Variants in ABCA13 observed in about 807,000 individuals in gnomAD.
ABCA13 encodes ATP-binding cassette sub-family A member 13.
In ABCA13, 476 loss-of-function variants were observed where a neutral mutation model predicts 478.7. The ratio of observed to expected loss-of-function variants is 0.99; its 90% CI spans 0.92 to 1.07. The LOEUF (loss-of-function observed/expected upper bound fraction) is 1.07, where lower values mean the gene tolerates loss of function less well. ABCA13 is among the 50% of genes least tolerant of loss of function. ABCA13 has a pLI of 0.00. For synonymous variants in ABCA13, 2,252 were observed against 2,158.9 expected (o/e 1.04, Z -1.20); for missense variants, 6,060 against 5,910.6 (o/e 1.03, Z -0.83).
chr7:48,284,888 C>T (rs888889691), intron 19 of ABCA13, among the ~76,000 whole-genome samples: 1 of 152,118 alleles, frequency 6.6e-6, no homozygotes, highest in African/African-American at 2.4e-5. Flanking sequence ...GGGCAAATAG[C>T]CCCTCCTCTC....
chr7:48,317,110 G>A, intron 26 of ABCA13, 47 bp from the exon 27 acceptor site: 1 of 1,572,206 alleles, frequency 6.4e-7, no homozygotes, highest in Non-Finnish European at 8.6e-7. Context: ...ATTAACCTAG[G>A]CATCGTGTAT....
chr7:48,597,074 C>T (rs913120828), intron 58 of ABCA13, among the ~76,000 whole-genome samples: 1 of 151,852 alleles, frequency 6.6e-6, no homozygotes. Flanking sequence ...GCCTCAGCCT[C>T]CCGGGTAGCT....
rs893005343 is a variant in ABCA13 at position 48,361,891 on chromosome 7, T to C, written c.10689-5903T>C. Among the ~76,000 whole-genome samples the C allele has an allele frequency of 2.6e-5, 4 of 151,972 alleles. No individual in the cohort carries two copies. In the East Asian group the frequency reaches 7.7e-4, roughly 29 times the overall value. ...CACAGCTTACTTGTAATAAGAAACATACAAATTAAATCTGCTTTGTAATAG... is the reference window on the plus strand; with the variant it reads ...CACAGCTTACTTGTAATAAGAAACACACAAATTAAATCTGCTTTGTAATAG... On this transcript the variant is annotated intron_variant, in intron 31 of 61. Transcript: ENST00000435803.
chr7:48,616,329 C>T (rs1268799632), intron 59 of ABCA13, among the ~76,000 whole-genome samples: 1 of 152,128 alleles, frequency 6.6e-6, no homozygotes, highest in African/African-American at 2.4e-5. Context: ...GGGTCAACCA[C>T]TGGTCAGATG....
chr7:48,229,936 A>G lies in ABCA13; in HGVS notation c.744A>G (p.Gln248=), dbSNP rs771229596. ...TTTCGACACTGACATTTCTGCAGCA[A>G]CATGGAGTAGCAGTCACCGGTATGG... ...VTISTLTFLQ[Q]HGVAVTEPVY... is the part of the protein sequence containing the mutation. Residue 248 remains glutamine, a synonymous_variant, in exon 7 of 62, where the codon CAA becomes CAG. Transcript: ENST00000435803. 1 of 1,613,964 alleles carries G rather than the reference A, an allele frequency of 6.2e-7. No homozygotes were observed. The highest frequency in any genetic ancestry group is 8.5e-7 in the Non-Finnish European group (1 of 1,179,852).
intron 42 of ABCA13, among the ~76,000 whole-genome samples, chr7:48,442,542 A>G (rs1228474511): frequency 6.6e-6 from 1 of 152,204 alleles, no homozygotes; most frequent in East Asian, 1.9e-4. Flanking sequence ...ATATACATAA[A>G]TCATTGAATT....
intron 58 of ABCA13, among the ~76,000 whole-genome samples, chr7:48,602,028 G>T (rs1423253746): frequency 6.6e-6 from 1 of 152,148 alleles, no homozygotes; most frequent in East Asian, 1.9e-4. Context: ...TTTCTTTTGA[G>T]AAGTGTCTGT....
intron 49 of ABCA13, among the ~76,000 whole-genome samples, chr7:48,507,535 G>C (rs1400762070): frequency 2.6e-5 from 4 of 152,144 alleles, no homozygotes; most frequent in African/African-American, 9.7e-5. Context: ...GTGGGCAAAG[G>C]TCACAGCTTA....
intron 1 of ABCA13, among the ~76,000 whole-genome samples, chr7:48,180,646 C>T (rs1157195991): frequency 2.6e-5 from 4 of 151,996 alleles, no homozygotes; most frequent in Non-Finnish European, 4.4e-5. Context: ...AGGCTGGTCT[C>T]GAACTCCTGA....
In ABCA13 at chr7:48,310,120, T is replaced by C. The variant is rs1801548032; in HGVS notation, c.9495T>C (p.Asp3165=). Residue 3165 remains aspartate, a synonymous_variant, in exon 24 of 62, where the codon GAT becomes GAC. Transcript: ENST00000435803. ...TTGTGTTGCTGAGTCGAAACTTGGA[T>C]GTGCGAGCTTTCATTTACAAGGTAT... is the stretch of plus-strand genomic sequence containing the variant. ...SLIVLLSRNL[D]VRAFIYKTLM... is the part of the protein sequence containing the mutation. The C allele has an allele frequency of 6.2e-7, 1 of 1,611,266 alleles. No individual in the cohort carries two copies. Among genetic ancestry groups the C allele is most frequent in the South Asian group, 1.1e-5 (1 of 90,768 alleles).
At position 48,471,517 on chromosome 7, in the gene ABCA13, C is replaced by G. The variant is rs1185772863; in HGVS notation, c.12906-13C>G. ...TCTAAAAGATCATTCCAATTCTCTC[C>G]TTTGTTTTTTAGGAAGAATTCTTCA... On this transcript the variant is annotated splice_polypyrimidine_tract_variant and intron_variant, in intron 44 of 61. Transcript: ENST00000435803. 6 of 1,550,588 alleles carry G rather than the reference C, an allele frequency of 3.9e-6. No individual in the cohort carries two copies. In the East Asian group the frequency reaches 1.2e-4, roughly 31 times the overall value.
At chr7:48,189,263 G>A (rs1235363668) in intron 1 of ABCA13, among the ~76,000 whole-genome samples, 1 of 152,118 alleles carries the variant, frequency 6.6e-6, no homozygotes, top group African/African-American at 2.4e-5. Flanking sequence ...CAAGATTCGA[G>A]GATAATAATG....
intron 23 of ABCA13, among the ~76,000 whole-genome samples, chr7:48,309,033 G>GCGCACACA (rs1554432223): frequency 8.3e-4 from 115 of 138,156 alleles, no homozygotes; most frequent in African/African-American, 3.1e-3. Context: ...ACACATGACT[G>GCGCACACA]CACACACACA....
At chr7:48,414,936 C>T (rs1273777963) in intron 41 of ABCA13, among the ~76,000 whole-genome samples, 3 of 152,154 alleles carry the variant, frequency 2.0e-5, no homozygotes, top group South Asian at 2.1e-4. Context: ...GGAGTGACCA[C>T]GGAGCTAAAT....
At chr7:48,540,734 A>G (rs1833891225) in intron 55 of ABCA13, among the ~76,000 whole-genome samples, 1 of 152,136 alleles carries the variant, frequency 6.6e-6, no homozygotes, top group Admixed American at 6.5e-5. Flanking sequence ...CCATGAATGC[A>G]CATCTTCAAA....
chr7:48,211,894 C>G (rs1237196500), intron 3 of ABCA13, among the ~76,000 whole-genome samples: 1 of 151,676 alleles, frequency 6.6e-6, no homozygotes, highest in Non-Finnish European at 1.5e-5. Context: ...AGAAGTCTTT[C>G]CCCAAGCTCA....
intron 55 of ABCA13, among the ~76,000 whole-genome samples, chr7:48,528,807 A>T (rs7804593): frequency 6.6e-6 from 1 of 152,020 alleles, no homozygotes; most frequent in African/African-American, 2.4e-5. Context: ...GGAGCAGTGA[A>T]CACATTAAAA....
chr7:48,511,313 T>C, intron 51 of ABCA13, 114 bp downstream of exon 51: 1 of 856,136 alleles, frequency 1.2e-6, no homozygotes, highest in Non-Finnish European at 1.8e-6. Context: ...TTTGAAGCAA[T>C]TATGTTGCTT....
intron 8 of ABCA13, among the ~76,000 whole-genome samples, chr7:48,235,999 G>A (rs1789897279): frequency 6.6e-6 from 1 of 152,194 alleles, no homozygotes; most frequent in South Asian, 2.1e-4. Flanking sequence ...ATGTTTTGAG[G>A]TTGGGTGTAC....
Sources: gnomAD v4.1 joint callset for allele counts (sites outside exome capture counted in the v4.1 genomes callset) on GRCh38, gnomAD v4.1.1 for gene constraint, MANE v1.5 for transcripts, NCBI Gene and HGNC (gene_info 2026-07-23, HGNC 2026-07-21) for gene names.